KLF17: variants seen among roughly 807,000 people sequenced by gnomAD.
The protein encoded by KLF17 is KLF transcription factor 17.
In KLF17, 31 loss-of-function variants were observed where a neutral mutation model predicts 34.2. The ratio of observed to expected loss-of-function variants is 0.91; its 90% CI spans 0.68 to 1.22. KLF17 has a LOEUF of 1.22. Ranked by LOEUF, KLF17 falls within the 50% of genes most tolerant of loss-of-function variation. The probability of loss-of-function intolerance (pLI) is 0.00; values close to 1 mark genes in which losing one functional copy is unlikely to be tolerated. For missense variants in KLF17, 478 were observed against 505.2 expected (o/e 0.95, Z 0.52); for synonymous variants, 179 against 186.7 (o/e 0.96, Z 0.34).
the KLF17 span, among the ~76,000 whole-genome samples, chr1:44,077,093 C>G: frequency 6.6e-6 from 1 of 150,990 alleles, no homozygotes; most frequent in Non-Finnish European, 1.5e-5. Context: ...TCCTGTAATC[C>G]CAGCACTTTG....
the KLF17 span, among the ~76,000 whole-genome samples, chr1:44,071,994 G>C: frequency 2.0e-5 from 3 of 151,740 alleles, no homozygotes; most frequent in South Asian, 2.1e-4. Flanking sequence ...TTTTTTTTGG[G>C]GGGGGACGGG....
chr1:44,103,598 G>A, the KLF17 span: 6 of 1,601,052 alleles, frequency 3.7e-6, no homozygotes, highest in Non-Finnish European at 5.1e-6. Context: ...GCAGCTTCCT[G>A]TAGGTGGCGA....
chr1:44,080,713 A>ATTTTTTT, the KLF17 span, among the ~76,000 whole-genome samples: 8 of 92,670 alleles, frequency 8.6e-5, no homozygotes, highest in East Asian at 3.0e-4. Flanking sequence ...ATTATATTGA[A>ATTTTTTT]TTTTTTTTTT....
At chr1:44,103,392 G>A in the KLF17 span, 41 of 762,798 alleles carry the variant, frequency 5.4e-5, no homozygotes, top group Non-Finnish European at 8.1e-5. Context: ...CACAACCACG[G>A]CCCTGGTGGA....
the KLF17 span, among the ~76,000 whole-genome samples, chr1:44,100,478 A>G: frequency 3.3e-5 from 5 of 152,180 alleles, no homozygotes; most frequent in South Asian, 1.0e-3. Context: ...TCTAAGAATG[A>G]GGGGGGGAAC....
the KLF17 span, among the ~76,000 whole-genome samples, chr1:44,090,069 C>T: frequency 6.8e-6 from 1 of 146,042 alleles, no homozygotes; most frequent in Non-Finnish European, 1.5e-5. Context: ...CCTGGGAGAT[C>T]AAGGCTGCAG....
chr1:44,080,808 A>G, the KLF17 span, among the ~76,000 whole-genome samples: 1 of 135,406 alleles, frequency 7.4e-6, no homozygotes. Flanking sequence ...TCTGTCTCCT[A>G]GGCTCAAACA....
At chr1:44,122,445 G>A in intron 1 of KLF17, 2 of 1,334,874 alleles carry the variant, frequency 1.5e-6, no homozygotes, top group Non-Finnish European at 2.2e-6. Flanking sequence ...ATGGACCTGT[G>A]TTCTGTTCTT....
the KLF17 span, among the ~76,000 whole-genome samples, chr1:44,113,140 C>T: frequency 6.6e-6 from 1 of 152,152 alleles, no homozygotes; most frequent in Non-Finnish European, 1.5e-5. Flanking sequence ...GTGGCTTATG[C>T]CTGTAATCCC....
At chr1:44,053,556 C>G in the KLF17 span, among the ~76,000 whole-genome samples, 2 of 152,198 alleles carry the variant, frequency 1.3e-5, no homozygotes, top group Non-Finnish European at 2.9e-5. Context: ...ATATCCCCTA[C>G]TGCCGGAGGA....
chr1:44,044,293 G>T, the KLF17 span, among the ~76,000 whole-genome samples: 1 of 152,204 alleles, frequency 6.6e-6, no homozygotes, highest in Admixed American at 6.5e-5. Flanking sequence ...ACACAGATTT[G>T]TAGCTGGCGT....
the KLF17 span, among the ~76,000 whole-genome samples, chr1:44,068,221 C>T: frequency 6.6e-6 from 1 of 152,138 alleles, no homozygotes; most frequent in Admixed American, 6.5e-5. Flanking sequence ...GATGGGGTCT[C>T]ACCATGTTGT....
At chr1:44,079,484 A>G in the KLF17 span, among the ~76,000 whole-genome samples, 1,233 of 151,644 alleles carry the variant, frequency 8.1e-3, 17 homozygotes, top group African/African-American at 0.028. Flanking sequence ...GTTATTTTTC[A>G]TAGAGGTGAG....
the KLF17 span, among the ~76,000 whole-genome samples, chr1:44,112,842 T>C: frequency 6.6e-6 from 1 of 152,226 alleles, no homozygotes; most frequent in East Asian, 1.9e-4. Context: ...GAGACTTATG[T>C]TCATGTCTAT....
At chr1:44,049,354 T>G in the KLF17 span, among the ~76,000 whole-genome samples, 3 of 152,198 alleles carry the variant, frequency 2.0e-5, no homozygotes, top group African/African-American at 7.2e-5. Context: ...AACCATCCAG[T>G]AAAGATGCCT....
chr1:44,089,992 T>C, the KLF17 span, among the ~76,000 whole-genome samples: 3 of 151,796 alleles, frequency 2.0e-5, no homozygotes, highest in Middle Eastern at 3.4e-3. Context: ...TGAAAACCTG[T>C]CCCTACTAAA....
At chr1:44,127,781 C>T (rs1046081489) in intron 1 of KLF17, among the ~76,000 whole-genome samples, 3 of 127,504 alleles carry the variant, frequency 2.4e-5, no homozygotes. Context: ...TTTCTTTCTT[C>T]TCTTTTCTTT....
the KLF17 span, among the ~76,000 whole-genome samples, chr1:44,099,594 TCAG>T: frequency 1.4e-5 from 2 of 147,912 alleles, no homozygotes; most frequent in African/African-American, 2.5e-5. Flanking sequence ...GAATCAGGAT[TCAG>T]GAGGTCAGGA....
In KLF17 at chr1:44,119,004, GC is replaced by G; in HGVS notation, c.81+20del. ...GGCTGCCCAGGTGAGTCAGGTGCCA[GC>G]CCCTGGCAGGCCGGGCGGGCCCAGG... On this transcript the variant is annotated intron_variant, in intron 1 of 3. Transcript: ENST00000372299. 6.3e-7 allele frequency: 1 copy of G among 1,593,986 alleles called. No homozygotes were observed. The highest frequency in any genetic ancestry group is 8.5e-7 in the Non-Finnish European group (1 of 1,170,382).
Sources: gnomAD v4.1 joint callset for allele counts (sites outside exome capture counted in the v4.1 genomes callset) on GRCh38, gnomAD v4.1.1 for gene constraint, MANE v1.5 for transcripts, NCBI Gene and HGNC (gene_info 2026-07-23, HGNC 2026-07-21) for gene names.